The following STARD9 variants were observed in gnomAD, a reference collection of about 807,000 sequenced individuals.
STARD9 encodes the protein StAR related lipid transfer domain containing 9.
In STARD9, 346 loss-of-function variants were observed where a neutral mutation model predicts 399.8. The ratio of observed to expected loss-of-function variants is 0.87; its 90% CI spans 0.79 to 0.95. STARD9 has a LOEUF of 0.95. STARD9 is among the 40% of genes least tolerant of loss of function. The pLI is 0.00. For synonymous variants in STARD9, 2,203 were observed against 2,143.5 expected (o/e 1.03, Z -0.77); for missense variants, 5,832 against 5,667.5 (o/e 1.03, Z -0.93).
At chr15:42,660,957 T>G (rs1468513881) in intron 9 of STARD9, among the ~76,000 whole-genome samples, 7 of 152,064 alleles carry the variant, frequency 4.6e-5, no homozygotes, top group Admixed American at 3.9e-4. Flanking sequence ...TTTTGTTTTT[T>G]TTTTTTGAAG....
intron 7 of STARD9, among the ~76,000 whole-genome samples, chr15:42,647,055 TATA>T (rs1265870576): frequency 4.6e-5 from 7 of 152,348 alleles, no homozygotes; most frequent in Non-Finnish European, 2.9e-5. Context: ...CCAACACAAT[TATA>T]ATAGTAACAT....
intron 3 of STARD9, among the ~76,000 whole-genome samples, chr15:42,589,983 C>T (rs1403257126): frequency 2.4e-5 from 3 of 125,292 alleles, no homozygotes; most frequent in African/African-American, 6.1e-5. Context: ...TTTGTTGAGA[C>T]CGGGTCTCGC....
chr15:42,659,517 C>G (rs1324691645), intron 9 of STARD9, among the ~76,000 whole-genome samples: 1 of 151,886 alleles, frequency 6.6e-6, no homozygotes, highest in African/African-American at 2.4e-5. Context: ...TCAGGGTTTT[C>G]TTTGTTTGTT....
At chr15:42,663,666 G>T in intron 12 of STARD9, 154 bp from the exon 13 acceptor site, 2 of 641,684 alleles carry the variant, frequency 3.1e-6, no homozygotes, top group Non-Finnish European at 5.5e-6. Context: ...TCTGTGTTGG[G>T]ACTGGTACTC....
Position 42,689,175 on chromosome 15 carries a change from A to T in STARD9, c.7597A>T (p.Ser2533Cys). The T allele has an allele frequency of 6.5e-7, 1 of 1,537,316 alleles. No individual in the cohort carries two copies. Among genetic ancestry groups the T allele is most frequent in the Non-Finnish European group, 8.7e-7 (1 of 1,146,926 alleles). Residue 2533 changes from serine (S) to cysteine (C), a missense_variant, in exon 23 of 33, where the codon AGT becomes TGT. Transcript: ENST00000290607. Reference protein sequence around the residue: ...LAPVSLPRVPSPEPRLLEPSD... With the variant: ...LAPVSLPRVPCPEPRLLEPSD... ...ACCTGTTTCCCTGCCGAGGGTGCCC[A>T]GTCCAGAGCCTAGGCTGTTGGAGCC...
intron 9 of STARD9, among the ~76,000 whole-genome samples, chr15:42,660,263 T>C (rs548898945): frequency 6.6e-6 from 1 of 152,322 alleles, no homozygotes; most frequent in South Asian, 2.1e-4. Flanking sequence ...CGGTTGATGA[T>C]GTATGATATT....
intron 21 of STARD9, 63 bp downstream of exon 21, chr15:42,681,675 C>T: frequency 7.3e-7 from 1 of 1,367,602 alleles, no homozygotes; most frequent in Middle Eastern, 1.8e-4. Context: ...CATGCTTCCT[C>T]AGCCTTCTGT....
intron 1 of STARD9, chr15:42,581,629 C>T: frequency 3.1e-6 from 2 of 635,264 alleles, no homozygotes; most frequent in South Asian, 1.9e-5. Flanking sequence ...TCTGGCTCCG[C>T]CCCTGCCGCC....
In STARD9 at chr15:42,716,874, C is replaced by G. The variant is rs1015998497; in HGVS notation, c.13373-53C>G. On this transcript the variant is annotated intron_variant, in intron 27 of 32. Coordinates refer to ENST00000290607, the MANE Select transcript of STARD9 (RefSeq NM_020759.3). ...TGGTCTGTGGGAGAGCTGTTGCTGT[C>G]CTGAGGCCCTGATGTTCAGTGCTAT... The G allele has an allele frequency of 6.5e-6, 10 of 1,535,698 alleles. No homozygotes were observed. In the Admixed American group the frequency reaches 1.8e-4, roughly 27 times the overall value.
rs189297009 is a variant in STARD9, at chr15:42,663,024, A to G, written c.868+133A>G. The G allele has an allele frequency of 6.5e-4, 498 of 760,704 alleles. 2 individuals carry two copies. The highest frequency in any genetic ancestry group is 8.4e-4 in the Non-Finnish European group (401 of 476,550). 47.1% of individuals were successfully genotyped at this position (760,704 alleles called of 1,614,324 possible). On this transcript the variant is annotated intron_variant, in intron 11 of 32. Coordinates refer to ENST00000290607, the MANE Select transcript of STARD9 (RefSeq NM_020759.3). ...TTCTGGTTTGGGGCATGAAAAGTTG[A>G]TATTTGTCCTTGGTTTTAGAGTAGA...
chr15:42,604,626 ATTTTTTTTTTTTTTTTTTTTT>A (rs11349330), intron 3 of STARD9, among the ~76,000 whole-genome samples: 1 of 54,712 alleles, frequency 1.8e-5, no homozygotes, highest in Non-Finnish European at 3.5e-5. Flanking sequence ...GATCAAATTG[ATTTTTTTTTTTTTTTTTTTTT>A]TTTTTTTTTG....
chr15:42,661,749 A>G (rs1032142263), intron 10 of STARD9, among the ~76,000 whole-genome samples: 4 of 151,942 alleles, frequency 2.6e-5, no homozygotes, highest in Non-Finnish European at 5.9e-5. Flanking sequence ...GAGCCACTGC[A>G]CCTGGCCACC....
In STARD9 at chr15:42,686,245, G is replaced by C. The variant is rs567259695; in HGVS notation, c.4667G>C (p.Arg1556Pro). 6.5e-7 allele frequency: 1 copy of C among 1,537,742 alleles called. No homozygotes were observed. The highest frequency in any genetic ancestry group is 1.7e-4 in the Middle Eastern group (1 of 5,994). ...NFPVHLSRIR[R>P]LRAEKEQDSL... is the part of the protein sequence containing the mutation. ...CCAGTCCATCTGTCCAGAATCAGGC[G>C]TTTGAGGGCAGAGAAAGAACAGGAC... The change falls in exon 23 of 33, where the codon CGT (arginine) becomes CCT (proline). Residue 1556 changes from arginine (R) to proline (P), a missense_variant. Physicochemically the swap from Arg to Pro is moderately radical, Grantham distance 103. Transcript: ENST00000290607.
intron 3 of STARD9, among the ~76,000 whole-genome samples, chr15:42,599,090 A>AT (rs2058573074): frequency 1.3e-5 from 2 of 151,928 alleles, no homozygotes; most frequent in African/African-American, 4.8e-5. Flanking sequence ...TGCCTGGCTA[A>AT]TTTTTGTATT....
At chr15:42,610,015 C>T (rs988454271) in intron 3 of STARD9, among the ~76,000 whole-genome samples, 3 of 151,972 alleles carry the variant, frequency 2.0e-5, no homozygotes, top group African/African-American at 4.8e-5. Flanking sequence ...ATCACTTGAA[C>T]GCAGGAGGTG....
At chr15:42,576,041 G>C (rs185252821) in intron 1 of STARD9, among the ~76,000 whole-genome samples, 20 of 152,312 alleles carry the variant, frequency 1.3e-4, no homozygotes, top group Admixed American at 7.8e-4. Flanking sequence ...ACGGCGGCTC[G>C]AGGCTTGCTG....
intron 7 of STARD9, among the ~76,000 whole-genome samples, chr15:42,643,052 C>G (rs755416336): frequency 6.7e-5 from 10 of 148,350 alleles, no homozygotes; most frequent in Non-Finnish European, 8.9e-5. Flanking sequence ...TAATTCCAAT[C>G]TTTGGTATAC....
Position 42,661,178 on chromosome 15 carries a change from C to G in STARD9, c.723C>G (p.Leu241=), listed in dbSNP as rs118052909. The G allele has an allele frequency of 4.1e-4, 633 of 1,536,820 alleles. No individual in the cohort carries two copies. Among genetic ancestry groups the G allele is most frequent in the Non-Finnish European group, 5.0e-4 (579 of 1,146,642 alleles). The change falls in exon 10 of 33, where the codon CTC becomes CTG. Residue 241 remains leucine (L), a synonymous_variant. Transcript: ENST00000290607. ...HYTQAILENN[L]PSEMASKINL... The stretch of plus-strand genomic sequence containing the variant: ...TCTAGGCAATCCTGGAGAACAACCT[C>G]CCTTCTGAAATGGCTAGCAAGATCA...
At position 42,682,372 on chromosome 15, in the gene STARD9, G is replaced by C; in HGVS notation, c.2334G>C (p.Lys778Asn). The change falls in exon 22 of 33, where the codon AAG becomes AAC. Residue 778 changes from lysine to asparagine, a missense_variant. Transcript: ENST00000290607. The stretch of plus-strand genomic sequence containing the variant: ...TCCAGCTAGAGAGAATCATCAAAAA[G>C]CAGAGGCTGCTGGAGGCCCAGAAGA... ...VSFQLERIIK[K>N]QRLLEAQKRL... 1 of 1,537,266 alleles carries C rather than the reference G, an allele frequency of 6.5e-7. No individual in the cohort carries two copies. The highest frequency in any genetic ancestry group is 8.7e-7 in the Non-Finnish European group (1 of 1,146,906).
Sources: allele counts gnomAD v4.1 joint callset (sites outside exome capture counted in the v4.1 genomes callset), GRCh38; gene constraint gnomAD v4.1.1; transcripts MANE v1.5; gene names NCBI Gene and HGNC (gene_info 2026-07-23, HGNC 2026-07-21).